The following TNIK variants were observed in gnomAD, a reference collection of about 807,000 sequenced individuals.
TNIK encodes the protein TRAF2 and NCK interacting kinase.
A neutral mutation model predicts 191.3 loss-of-function variants in TNIK; 49 were observed. The observed-to-expected ratio is 0.26, with a 90% CI of 0.20 to 0.32. The LOEUF (loss-of-function observed/expected upper bound fraction) is 0.32. Ranked by LOEUF, TNIK falls within the 10% of genes least tolerant of loss-of-function variation. The pLI, the probability that TNIK is intolerant of heterozygous loss-of-function variation, is 1.00. For synonymous variants in TNIK, 594 were observed against 600.9 expected (o/e 0.99, Z 0.17); for missense variants, 1,155 against 1,702.3 (o/e 0.68, Z 5.66).
At chr3:171,308,988 G>T (rs1753746605) in intron 2 of TNIK, among the ~76,000 whole-genome samples, 1 of 152,166 alleles carries the variant, frequency 6.6e-6, no homozygotes, top group Non-Finnish European at 1.5e-5. Context: ...AAGCAGTTCG[G>T]TGATTTCTCA....
rs139424465 is a variant in TNIK at position 171,288,968 on chromosome 3, G to A, written c.124-60747C>T. On this transcript the variant is annotated intron_variant, in intron 2 of 32. Coordinates refer to ENST00000436636, the MANE Select transcript of TNIK (RefSeq NM_015028.4). ...ATTAAATTTGAATTTGACTCATAGG[G>A]ATTGATCACAATTGAAGAATTTGAC... Among the ~76,000 whole-genome samples, 27 of 152,184 alleles carry A rather than the reference G, an allele frequency of 1.8e-4. No individual in the cohort carries two copies. The East Asian group carries it at 5.2e-3, about 29-fold the overall frequency.
chr3:171,098,242 T>A (rs1203695905), intron 22 of TNIK, among the ~76,000 whole-genome samples: 1 of 152,250 alleles, frequency 6.6e-6, no homozygotes, highest in Non-Finnish European at 1.5e-5. Context: ...TTGCTTGATG[T>A]GATGCAAATC....
intron 2 of TNIK, among the ~76,000 whole-genome samples, chr3:171,264,058 A>C (rs1218851637): frequency 8.1e-6 from 1 of 123,636 alleles, no homozygotes; most frequent in Non-Finnish European, 1.6e-5. Flanking sequence ...GTGTGTGTAT[A>C]TATATACATA....
At chr3:171,066,757 A>G (rs775178564) in intron 30 of TNIK, 22 bp from the exon 31 acceptor site, 3 of 1,604,454 alleles carry the variant, frequency 1.9e-6, no homozygotes. Flanking sequence ...AGAAAAGCCA[A>G]GCATTATTCT....
chr3:171,212,980 T>C (rs1369693472), intron 3 of TNIK, among the ~76,000 whole-genome samples: 1 of 151,968 alleles, frequency 6.6e-6, no homozygotes, highest in Non-Finnish European at 1.5e-5. Context: ...CAAAATAGAA[T>C]ATATGCTTGG....
chr3:171,183,887 T>C (rs7374801), intron 7 of TNIK, among the ~76,000 whole-genome samples: 11,342 of 140,456 alleles, frequency 0.081, 492 homozygotes, highest in Middle Eastern at 0.13. Context: ...TGCCACTGCA[T>C]TCCAGTCTAG....
intron 2 of TNIK, among the ~76,000 whole-genome samples, chr3:171,300,131 C>T (rs953595243): frequency 3.9e-5 from 6 of 152,150 alleles, no homozygotes; most frequent in South Asian, 4.1e-4. Context: ...TTCTCTAAGA[C>T]GGGTAATGTT....
At chr3:171,112,986 G>A (rs1403781678) in intron 18 of TNIK, among the ~76,000 whole-genome samples, 2 of 152,144 alleles carry the variant, frequency 1.3e-5, no homozygotes, top group Non-Finnish European at 2.9e-5. Context: ...GTGTGTGCAT[G>A]TGTGTGTGCA....
chr3:171,354,051 G>A (rs548500175), intron 2 of TNIK, among the ~76,000 whole-genome samples: 3 of 151,854 alleles, frequency 2.0e-5, no homozygotes, highest in Non-Finnish European at 2.9e-5. Context: ...GTGACACTGC[G>A]CTACCAAGAA....
chr3:171,250,931 T>C (rs1404311179), intron 2 of TNIK, among the ~76,000 whole-genome samples: 1 of 152,242 alleles, frequency 6.6e-6, no homozygotes, highest in Non-Finnish European at 1.5e-5. Context: ...ACTGTCAAAA[T>C]ACAGTGTACA....
intron 1 of TNIK, among the ~76,000 whole-genome samples, chr3:171,403,278 G>C (rs1455414335): frequency 6.6e-6 from 1 of 152,170 alleles, no homozygotes; most frequent in Non-Finnish European, 1.5e-5. Context: ...CACTAGTGAT[G>C]AGTACGCTGA....
At chr3:171,428,310 T>C (rs147646968) in intron 1 of TNIK, among the ~76,000 whole-genome samples, 71 of 152,298 alleles carry the variant, frequency 4.7e-4, no homozygotes, top group African/African-American at 1.6e-3. Context: ...GGTTTTCTGA[T>C]GGATCTAATG....
chr3:171,118,058 C>A (rs1173668760), intron 18 of TNIK, among the ~76,000 whole-genome samples: 1 of 152,064 alleles, frequency 6.6e-6, no homozygotes, highest in African/African-American at 2.4e-5. Flanking sequence ...GTCTCAGCCC[C>A]AAATCTCCTT....
chr3:171,253,596 C>CA (rs1166981139), intron 2 of TNIK, among the ~76,000 whole-genome samples: 1 of 138,124 alleles, frequency 7.2e-6, no homozygotes, highest in African/African-American at 2.6e-5. Flanking sequence ...AGGTCCCCCC[C>CA]CCACCCCACC....
chr3:171,431,828 A>G (rs1725427091), intron 1 of TNIK, among the ~76,000 whole-genome samples: 1 of 152,194 alleles, frequency 6.6e-6, no homozygotes, highest in Non-Finnish European at 1.5e-5. Context: ...ACCCACCAAA[A>G]GGCTGCCACC....
chr3:171,438,733 A>G (rs71308512), intron 1 of TNIK, among the ~76,000 whole-genome samples: 5 of 152,222 alleles, frequency 3.3e-5, no homozygotes, highest in Non-Finnish European at 7.3e-5. Context: ...TATGTTTTTC[A>G]TAAGAAAGTG....
chr3:171,081,195 A>C (rs1426019759), intron 27 of TNIK, among the ~76,000 whole-genome samples: 1 of 152,188 alleles, frequency 6.6e-6, no homozygotes, highest in Non-Finnish European at 1.5e-5. Context: ...TACAAAAGGA[A>C]TTTACCTGGT....
chr3:171,169,362 C>G (rs6444968), intron 9 of TNIK, among the ~76,000 whole-genome samples: 11,593 of 151,814 alleles, frequency 0.076, 642 homozygotes, highest in African/African-American at 0.15. Context: ...CTGCCTCTCA[C>G]GTTCAAGTGA....
At chr3:171,391,821 CT>C (rs1034889376) in intron 1 of TNIK, among the ~76,000 whole-genome samples, 1 of 152,164 alleles carries the variant, frequency 6.6e-6, no homozygotes, top group Non-Finnish European at 1.5e-5. Context: ...AAGTCTTACC[CT>C]TTCCTATAGT....
Sources: allele counts gnomAD v4.1 joint callset (sites outside exome capture counted in the v4.1 genomes callset), GRCh38; gene constraint gnomAD v4.1.1; transcripts MANE v1.5; gene names NCBI Gene and HGNC (gene_info 2026-07-23, HGNC 2026-07-21).